Variants in SUMF1 observed in about 807,000 individuals in gnomAD.
The protein encoded by SUMF1 is formylglycine-generating enzyme.
A neutral mutation model predicts 47.6 loss-of-function variants in SUMF1; 48 were observed. The ratio of observed to expected loss-of-function variants is 1.01; its 90% CI spans 0.80 to 1.28. The LOEUF is 1.28. Ranked by LOEUF, SUMF1 falls within the 50% of genes most tolerant of loss-of-function variation. The pLI, the probability that SUMF1 is intolerant of heterozygous loss-of-function variation, is 0.00. For synonymous variants in SUMF1, 230 were observed against 192.1 expected, an observed-to-expected ratio of 1.20 and a Z score of -1.63; for missense variants, 571 against 485.4, an observed-to-expected ratio of 1.18 and a Z score of -1.66.
intron 8 of SUMF1, among the ~76,000 whole-genome samples, chr3:4,092,803 C>T (rs1439361178): frequency 2.6e-5 from 4 of 152,022 alleles, no homozygotes; most frequent in Non-Finnish European, 5.9e-5. Flanking sequence ...GCATGTGAAA[C>T]ATTCATGCTA....
At chr3:4,247,086 T>C (rs1696687605) in intron 8 of SUMF1, among the ~76,000 whole-genome samples, 1 of 152,168 alleles carries the variant, frequency 6.6e-6, no homozygotes, top group Admixed American at 6.5e-5. Flanking sequence ...ATAGATTCTC[T>C]GGAAATATTA....
chr3:4,215,195 A>C (rs1695893290), intron 8 of SUMF1, among the ~76,000 whole-genome samples: 1 of 152,178 alleles, frequency 6.6e-6, no homozygotes, highest in Non-Finnish European at 1.5e-5. Context: ...ATGCTTATCC[A>C]CCACGATCAA....
At chr3:4,247,029 T>C (rs1254901183) in intron 8 of SUMF1, among the ~76,000 whole-genome samples, 2 of 152,148 alleles carry the variant, frequency 1.3e-5, no homozygotes, top group Non-Finnish European at 2.9e-5. Context: ...GGCATATGCA[T>C]GAGGTGACTT....
In SUMF1 at chr3:4,271,376, T is replaced by G. The variant is rs116188787; in HGVS notation, c.1014+104954A>C. ...TACCAAATAAGGAGGTCAAGCCAGATAAACTCTGGAGTCTAACATTCTCTG... is the reference window on the plus strand; with the variant it reads ...TACCAAATAAGGAGGTCAAGCCAGAGAAACTCTGGAGTCTAACATTCTCTG... On this transcript the variant is annotated intron_variant and NMD_transcript_variant, in intron 8 of 12. Transcript: ENST00000448413. Among the ~76,000 whole-genome samples the G allele has an allele frequency of 5.3e-3, 806 of 152,258 alleles. 4 individuals carry two copies. Among genetic ancestry groups the G allele is most frequent in the African/African-American group, 0.018 (731 of 41,542 alleles).
chr3:4,150,884 T>C (rs2587914), intron 8 of SUMF1, among the ~76,000 whole-genome samples: 110,093 of 150,952 alleles, frequency 0.73, 40,793 homozygotes, highest in Admixed American at 0.8. Flanking sequence ...CCTGATATTA[T>C]CAGGTTCCAT....
intron 8 of SUMF1, among the ~76,000 whole-genome samples, chr3:4,323,231 C>T (rs1380004472): frequency 6.6e-6 from 1 of 151,964 alleles, no homozygotes; most frequent in Non-Finnish European, 1.5e-5. Flanking sequence ...CCAAAAAATG[C>T]CCTTGATATG....
At chr3:4,048,684 T>C (rs1429076891) in intron 9 of SUMF1, among the ~76,000 whole-genome samples, 4 of 152,206 alleles carry the variant, frequency 2.6e-5, no homozygotes, top group African/African-American at 9.6e-5. Flanking sequence ...CTTTTTGCTC[T>C]ACAAAATCCC....
At chr3:4,197,766 G>A (rs1695460124) in intron 8 of SUMF1, among the ~76,000 whole-genome samples, 1 of 152,026 alleles carries the variant, frequency 6.6e-6, no homozygotes, top group South Asian at 2.1e-4. Flanking sequence ...CTTAATACAT[G>A]CAGATTACAC....
intron 8 of SUMF1, among the ~76,000 whole-genome samples, chr3:4,158,367 C>G (rs1265069575): frequency 6.6e-6 from 1 of 151,330 alleles, no homozygotes; most frequent in Non-Finnish European, 1.5e-5. Context: ...GTTTTGTGAG[C>G]TAACGTGGTC....
At chr3:4,158,754 T>C (rs1694509612) in intron 8 of SUMF1, among the ~76,000 whole-genome samples, 2 of 151,640 alleles carry the variant, frequency 1.3e-5, no homozygotes, top group African/African-American at 4.9e-5. Context: ...TCTCTTTTTA[T>C]AGTTTTTGTC....
At chr3:4,154,107 C>A (rs1305928950) in intron 8 of SUMF1, among the ~76,000 whole-genome samples, 1 of 151,414 alleles carries the variant, frequency 6.6e-6, no homozygotes, top group African/African-American at 2.5e-5. Context: ...ACTGAGATGT[C>A]CAGAAAGGTT....
chr3:4,341,750 C>T (rs1296954507), intron 8 of SUMF1, among the ~76,000 whole-genome samples: 3 of 152,174 alleles, frequency 2.0e-5, no homozygotes, highest in African/African-American at 7.2e-5. Flanking sequence ...TATTTCTTTA[C>T]CAAGACACCT....
intron 8 of SUMF1, among the ~76,000 whole-genome samples, chr3:4,201,872 G>A (rs1695547648): frequency 6.6e-6 from 1 of 151,876 alleles, no homozygotes; most frequent in Non-Finnish European, 1.5e-5. Flanking sequence ...CTTTTCTGAT[G>A]TTAAGCACCT....
intron 8 of SUMF1, among the ~76,000 whole-genome samples, chr3:4,259,015 A>T (rs1251283648): frequency 6.7e-6 from 1 of 150,276 alleles, no homozygotes; most frequent in Non-Finnish European, 1.5e-5. Context: ...TCGCAAGAAC[A>T]AAAAACCAAA....
At chr3:4,313,158 C>A (rs370400845) in intron 8 of SUMF1, 41 of 1,613,882 alleles carry the variant, frequency 2.5e-5, no homozygotes, top group African/African-American at 4.0e-5. Context: ...GTCTACAGTT[C>A]CACTTCCAAG....
At chr3:4,144,460 G>A (rs1382743556) in intron 8 of SUMF1, among the ~76,000 whole-genome samples, 2 of 152,126 alleles carry the variant, frequency 1.3e-5, no homozygotes, top group African/African-American at 2.4e-5. Context: ...TTTGAAGCAA[G>A]TTAGAGAAGA....
chr3:4,086,260 T>C (rs1045051637), intron 8 of SUMF1, among the ~76,000 whole-genome samples: 1 of 151,394 alleles, frequency 6.6e-6, no homozygotes, highest in East Asian at 1.9e-4. Context: ...TGGGGTAAAC[T>C]AAAACATCTA....
intron 8 of SUMF1, among the ~76,000 whole-genome samples, chr3:4,097,890 T>C (rs1692942052): frequency 6.6e-6 from 1 of 152,142 alleles, no homozygotes; most frequent in South Asian, 2.1e-4. Flanking sequence ...GAAGTTGGTG[T>C]GGCATTCACA....
intron 8 of SUMF1, among the ~76,000 whole-genome samples, chr3:4,288,099 A>G (rs1008966483): frequency 3.3e-5 from 5 of 152,190 alleles, no homozygotes; most frequent in East Asian, 1.9e-4. Flanking sequence ...ATCTAGGTCT[A>G]TGACCATTTA....
Sources: gnomAD v4.1 joint callset for allele counts (sites outside exome capture counted in the v4.1 genomes callset) on GRCh38, gnomAD v4.1.1 for gene constraint, MANE v1.5 for transcripts, NCBI Gene and HGNC (gene_info 2026-07-23, HGNC 2026-07-21) for gene names.